The following WWOX variants were observed in gnomAD, a reference collection of about 807,000 sequenced individuals.
WWOX encodes the protein WW domain containing oxidoreductase, also known as WW domain-containing oxidoreductase.
A neutral mutation model predicts 46.2 loss-of-function variants in WWOX; 69 were observed. The observed-to-expected ratio is 1.49, with a 90% CI of 1.23 to 1.82. The LOEUF (loss-of-function observed/expected upper bound fraction) is 1.82, where lower values mean the gene tolerates loss of function less well. Ranked by LOEUF, WWOX falls within the 40% of genes most tolerant of loss-of-function variation. The pLI is 0.00. For missense variants in WWOX, 919 were observed against 542.6 expected (o/e 1.69, Z -6.89); for synonymous variants, 359 against 202.6 (o/e 1.77, Z -6.56).
chr16:78,473,208 C>T (rs552070924), intron 8 of WWOX, among the ~76,000 whole-genome samples: 2 of 152,284 alleles, frequency 1.3e-5, no homozygotes, highest in South Asian at 2.1e-4. Context: ...CTGCTCACTG[C>T]GGCCTGCATC....
chr16:78,776,357 G>T (rs62038598), intron 8 of WWOX, among the ~76,000 whole-genome samples: 43,393 of 151,906 alleles, frequency 0.29, 6,633 homozygotes, highest in South Asian at 0.38. Flanking sequence ...CCCTCTGCCT[G>T]GAGTCCTGCC....
At chr16:78,845,689 A>G (rs777994802) in intron 8 of WWOX, among the ~76,000 whole-genome samples, 1 of 152,190 alleles carries the variant, frequency 6.6e-6, no homozygotes, top group Non-Finnish European at 1.5e-5. Flanking sequence ...GGTAACTAAT[A>G]TTTCCGGAAG....
chr16:79,021,209 A>C (rs1396270287), intron 8 of WWOX, among the ~76,000 whole-genome samples: 1 of 152,148 alleles, frequency 6.6e-6, no homozygotes, highest in East Asian at 1.9e-4. Context: ...ACATGCAGTA[A>C]AATAGTTTTT....
chr16:79,028,361 T>C (rs960502638), intron 8 of WWOX, among the ~76,000 whole-genome samples: 1 of 151,896 alleles, frequency 6.6e-6, no homozygotes. Context: ...GTTCAAAATA[T>C]AGCTAAATTC....
chr16:78,523,328 C>T (rs1399392864), intron 8 of WWOX, among the ~76,000 whole-genome samples: 1 of 152,154 alleles, frequency 6.6e-6, no homozygotes, highest in African/African-American at 2.4e-5. Context: ...AAACTGGATC[C>T]CCTGCTGTAC....
intron 6 of WWOX, among the ~76,000 whole-genome samples, chr16:78,408,974 T>G (rs2082611129): frequency 6.6e-6 from 1 of 152,160 alleles, no homozygotes; most frequent in Non-Finnish European, 1.5e-5. Flanking sequence ...AGAGCCAGCT[T>G]GGAGATGGGC....
chr16:78,412,053 A>G (rs1462294431), intron 6 of WWOX, among the ~76,000 whole-genome samples: 4 of 152,138 alleles, frequency 2.6e-5, no homozygotes, highest in Admixed American at 1.3e-4. Flanking sequence ...CCCTCCAGCA[A>G]TGGACAGTTA....
At chr16:78,801,400 T>A (rs1790848091) in intron 8 of WWOX, among the ~76,000 whole-genome samples, 1 of 152,064 alleles carries the variant, frequency 6.6e-6, no homozygotes, top group Non-Finnish European at 1.5e-5. Context: ...TCCCAGCTAC[T>A]CAGGAGGCTG....
intron 5 of WWOX, among the ~76,000 whole-genome samples, chr16:78,226,584 C>T (rs1258849373): frequency 7.0e-6 from 1 of 142,194 alleles, no homozygotes; most frequent in Non-Finnish European, 1.5e-5. Flanking sequence ...TTCCTTTCTT[C>T]CTTTATTTCT....
In WWOX at chr16:78,417,058, T is replaced by A. The variant is rs1268363863; in HGVS notation, c.606-7812T>A. Among the ~76,000 whole-genome samples the A allele has an allele frequency of 3.3e-5, 5 of 152,032 alleles. 1 individual carries two copies. Among genetic ancestry groups the A allele is most frequent in the Non-Finnish European group, 7.4e-5 (5 of 68,008 alleles). ...CTTTGGGGGTGTGTGTGTGTTTGCT[T>A]CTTTATATTAGCTTTTTTTTCATTT... On this transcript the variant is annotated intron_variant, in intron 6 of 8. Transcript: ENST00000566780.
intron 5 of WWOX, among the ~76,000 whole-genome samples, chr16:78,173,988 C>G (rs2035249424): frequency 6.6e-6 from 1 of 152,052 alleles, no homozygotes; most frequent in South Asian, 2.1e-4. Context: ...GTCGCACTGT[C>G]TCATGTGTCT....
At chr16:78,655,255 G>T (rs1466449785) in intron 8 of WWOX, among the ~76,000 whole-genome samples, 1 of 152,138 alleles carries the variant, frequency 6.6e-6, no homozygotes, top group Non-Finnish European at 1.5e-5. Context: ...TCTCAGGGTG[G>T]TGGGGCGTGG....
In WWOX at chr16:78,820,207, T is replaced by C. The variant is rs73577429; in HGVS notation, c.1056+387455T>C. 3.7e-3 allele frequency among the ~76,000 whole-genome samples: 568 copies of C among 152,190 alleles called. 4 individuals are homozygous for C. The highest frequency in any genetic ancestry group is 0.013 in the African/African-American group (547 of 41,514). On this transcript the variant is annotated intron_variant, in intron 8 of 8. Coordinates refer to ENST00000566780, the MANE Select transcript of WWOX (RefSeq NM_016373.4). ...CCCAGCCACTGACATCTGGGTGTTG[T>C]AAGAAAGCAAGAACAGTCATGGACA...
chr16:78,488,372 G>C (rs2084691568), intron 8 of WWOX, among the ~76,000 whole-genome samples: 1 of 152,024 alleles, frequency 6.6e-6, no homozygotes, highest in South Asian at 2.1e-4. Context: ...TCTAGGTAAA[G>C]GGCACCTCCT....
intron 8 of WWOX, among the ~76,000 whole-genome samples, chr16:79,201,457 A>G (rs1409161225): frequency 1.3e-5 from 2 of 151,682 alleles, no homozygotes; most frequent in Non-Finnish European, 2.9e-5. Flanking sequence ...TCGGTTTTCT[A>G]AAGACCTAAC....
intron 8 of WWOX, among the ~76,000 whole-genome samples, chr16:78,945,351 A>C (rs1053523942): frequency 1.3e-5 from 2 of 152,180 alleles, no homozygotes; most frequent in African/African-American, 2.4e-5. Context: ...CTCAAACTTT[A>C]CAATAAGAAG....
chr16:79,011,484 T>G (rs2047308302), intron 8 of WWOX, among the ~76,000 whole-genome samples: 1 of 147,988 alleles, frequency 6.8e-6, no homozygotes, highest in African/African-American at 2.5e-5. Flanking sequence ...TATTTATTTA[T>G]TTATTTATTT....
intron 8 of WWOX, among the ~76,000 whole-genome samples, chr16:78,654,119 C>T (rs2047027449): frequency 6.6e-6 from 1 of 152,142 alleles, no homozygotes; most frequent in African/African-American, 2.4e-5. Flanking sequence ...CTCTCAAAGG[C>T]CAGGGTCTGG....
At position 78,495,145 on chromosome 16, in the gene WWOX, C is replaced by CTTTTTTTTTTTTTTTTTTTTTTTTTTTTT. The variant is rs71140804; in HGVS notation, c.1056+62407_1056+62408insTTTTTTTTTTTTTTTTTTTTTTTTTTTTT. On this transcript the variant is annotated intron_variant, in intron 8 of 8. Coordinates refer to ENST00000566780, the MANE Select transcript of WWOX (RefSeq NM_016373.4). ...AAGATTAGTAGTAGACTGTTGTGTT[C>CTTTTTTTTTTTTTTTTTTTTTTTTTTTTT]TTTTTTTTTTTTTTGAGATAGACTC... is the stretch of plus-strand genomic sequence containing the variant. Among the ~76,000 whole-genome samples the CTTTTTTTTTTTTTTTTTTTTTTTTTTTTT allele has an allele frequency of 1.7e-5, 2 of 116,616 alleles. 1 individual carries two copies. 76.5% of individuals were successfully genotyped at this position (116,616 alleles called of 152,430 possible).
Sources: allele counts gnomAD v4.1 joint callset (sites outside exome capture counted in the v4.1 genomes callset), GRCh38; gene constraint gnomAD v4.1.1; transcripts MANE v1.5; gene names NCBI Gene and HGNC (gene_info 2026-07-23, HGNC 2026-07-21).